TBL1XR1: variants seen among roughly 807,000 people sequenced by gnomAD.
The protein encoded by TBL1XR1 is F-box-like/WD repeat-containing protein TBL1XR1.
TBL1XR1 carries 5 observed loss-of-function variants against 66.9 expected under a neutral mutation model. That is an observed-to-expected ratio of 0.07 (90% CI 0.04 to 0.16). The LOEUF is 0.16. TBL1XR1 is among the 10% of genes least tolerant of loss of function. TBL1XR1 has a pLI of 1.00. For synonymous variants in TBL1XR1, 210 were observed against 206.0 expected, an observed-to-expected ratio of 1.02 and a Z score of -0.17; for missense variants, 238 against 623.2, an observed-to-expected ratio of 0.38 and a Z score of 6.58.
At chr3:177,093,804 C>G (rs878939089) in intron 2 of TBL1XR1, among the ~76,000 whole-genome samples, 1 of 152,148 alleles carries the variant, frequency 6.6e-6, no homozygotes, top group Non-Finnish European at 1.5e-5. Context: ...TCATCTCTCA[C>G]CTTATACAAA....
At chr3:177,089,278 T>C (rs1213568908) in intron 2 of TBL1XR1, among the ~76,000 whole-genome samples, 2 of 152,112 alleles carry the variant, frequency 1.3e-5, no homozygotes, top group African/African-American at 2.4e-5. Context: ...ATCACTCAAC[T>C]TTCCCAAGCA....
intron 1 of TBL1XR1, among the ~76,000 whole-genome samples, chr3:177,195,049 T>G (rs1028299686): frequency 6.6e-6 from 1 of 152,146 alleles, no homozygotes; most frequent in Non-Finnish European, 1.5e-5. Context: ...AGAAAAACTT[T>G]TCCCAGGCAC....
At chr3:177,200,724 C>T (rs1334567306), upstream of TBL1XR1, among the ~76,000 whole-genome samples, 1 of 152,060 alleles carries the variant, frequency 6.6e-6, no homozygotes, top group Non-Finnish European at 1.5e-5. Flanking sequence ...TTAAGTTCTC[C>T]GCTGGGTGTG....
intron 2 of TBL1XR1, among the ~76,000 whole-genome samples, chr3:177,097,431 T>C (rs1471118237): frequency 6.6e-6 from 1 of 152,204 alleles, no homozygotes; most frequent in Non-Finnish European, 1.5e-5. Context: ...GCACTTGACA[T>C]ACAGCTAGAA....
At chr3:177,123,843 T>C (rs1727283300) in intron 1 of TBL1XR1, among the ~76,000 whole-genome samples, 2 of 152,032 alleles carry the variant, frequency 1.3e-5, no homozygotes, top group African/African-American at 4.8e-5. Flanking sequence ...CATAATTCCC[T>C]GAATCAGTAA....
Position 177,025,500 on chromosome 3 carries a change from A to C in TBL1XR1, c.1543T>G (p.Ter515GluextTer3). ...TCCATGGCTTCCAACTAGTAGCGCT[A>C]TTTCCGAAGGTCTAATACACAAACC... is the stretch of plus-strand genomic sequence containing the variant. ...GSVCVLDLRK[*>E] is the part of the protein sequence containing the mutation. The change falls in exon 16 of 16, where the codon TAG (stop) becomes GAG (glutamate). Residue 515 changes from the stop codon to glutamate, a stop_lost. Transcript: ENST00000457928. 6.2e-7 allele frequency: 1 copy of C among 1,612,694 alleles called. No homozygotes were observed. The highest frequency in any genetic ancestry group is 8.5e-7 in the Non-Finnish European group (1 of 1,179,550).
intron 1 of TBL1XR1, among the ~76,000 whole-genome samples, chr3:177,138,321 G>C (rs1199319546): frequency 6.6e-6 from 1 of 152,296 alleles, no homozygotes; most frequent in African/African-American, 2.4e-5. Flanking sequence ...TTCGCTGGGT[G>C]CAATGGCAAA....
At chr3:177,092,553 A>C (rs73039644) in intron 2 of TBL1XR1, among the ~76,000 whole-genome samples, 76 of 152,292 alleles carry the variant, frequency 5.0e-4, no homozygotes, top group African/African-American at 1.7e-3. Context: ...GAAGCTAAGT[A>C]GATAGTTGGT....
At chr3:177,114,212 A>G (rs554998001) in intron 1 of TBL1XR1, among the ~76,000 whole-genome samples, 1 of 151,960 alleles carries the variant, frequency 6.6e-6, no homozygotes, top group East Asian at 1.9e-4. Flanking sequence ...ATGTATACAT[A>G]CATCATATAT....
At chr3:177,098,907 T>C (rs1006637706) in intron 1 of TBL1XR1, among the ~76,000 whole-genome samples, 4 of 152,178 alleles carry the variant, frequency 2.6e-5, no homozygotes, top group Non-Finnish European at 5.9e-5. Context: ...TAAACTTGCA[T>C]TCTATATTGT....
At chr3:177,180,383 CCA>C (rs1387240137) in intron 1 of TBL1XR1, among the ~76,000 whole-genome samples, 3 of 125,912 alleles carry the variant, frequency 2.4e-5, no homozygotes, top group South Asian at 5.9e-4. Context: ...CCCCCCCCCC[CCA>C]TTTAATAGTA....
chr3:177,111,727 G>A (rs2108723232), intron 1 of TBL1XR1, among the ~76,000 whole-genome samples: 1 of 152,090 alleles, frequency 6.6e-6, no homozygotes, highest in East Asian at 1.9e-4. Context: ...GAATCTCTTT[G>A]CCATACCCTA....
intron 1 of TBL1XR1, among the ~76,000 whole-genome samples, chr3:177,110,517 G>C (rs977242704): frequency 6.6e-6 from 1 of 151,934 alleles, no homozygotes; most frequent in Admixed American, 6.6e-5. Flanking sequence ...TTTCCCTACT[G>C]TGTTCACTAT....
intron 3 of TBL1XR1, among the ~76,000 whole-genome samples, chr3:177,061,391 C>T (rs1216829632): frequency 6.6e-6 from 1 of 152,192 alleles, no homozygotes; most frequent in Admixed American, 6.5e-5. Context: ...ACACAGTCAA[C>T]ACTGAACAAT....
rs538308171 is a variant in TBL1XR1 at position 177,106,605 on chromosome 3, T to G, written c.-121-8064A>C. Among the ~76,000 whole-genome samples the G allele has an allele frequency of 1.6e-4, 25 of 152,342 alleles. No homozygotes were observed. In the Middle Eastern group the frequency reaches 0.014, roughly 83 times the overall value. On this transcript the variant is annotated intron_variant, in intron 1 of 15. Transcript: ENST00000457928. The stretch of plus-strand genomic sequence containing the variant: ...AGATAACCTCTCTCAGTGCCTTCGC[T>G]TTTTCATCTGTAAAATAAGTTAGGA...
chr3:177,171,702 CAA>C (rs34278942), intron 1 of TBL1XR1, among the ~76,000 whole-genome samples: 3 of 47,302 alleles, frequency 6.3e-5, no homozygotes, highest in South Asian at 1.1e-3. Flanking sequence ...GACTCCGTCT[CAA>C]AAAAAAAAAA....
intron 1 of TBL1XR1, among the ~76,000 whole-genome samples, chr3:177,150,842 A>G (rs1730799151): frequency 6.6e-6 from 1 of 152,256 alleles, no homozygotes; most frequent in Admixed American, 6.5e-5. Flanking sequence ...ATAAGGAGAA[A>G]CAGTCACAAA....
chr3:177,199,072 A>T (rs1012579208), upstream of TBL1XR1, among the ~76,000 whole-genome samples: 1 of 152,186 alleles, frequency 6.6e-6, no homozygotes, highest in Non-Finnish European at 1.5e-5. Flanking sequence ...GGAGCAGGAA[A>T]ACCATCAGAG....
intron 1 of TBL1XR1, among the ~76,000 whole-genome samples, chr3:177,174,408 C>CA (rs59132617): frequency 0.053 from 3,093 of 57,858 alleles, 330 homozygotes; most frequent in East Asian, 0.48. Flanking sequence ...GACTCCATCT[C>CA]AAAAAAAAAA....
Sources: gnomAD v4.1 joint callset for allele counts (sites outside exome capture counted in the v4.1 genomes callset) on GRCh38, gnomAD v4.1.1 for gene constraint, MANE v1.5 for transcripts, NCBI Gene and HGNC (gene_info 2026-07-23, HGNC 2026-07-21) for gene names.